CFAP92: variants seen among roughly 807,000 people sequenced by gnomAD.
CFAP92 encodes cilia and flagella associated protein 92 (putative).
CFAP92 carries 86 observed loss-of-function variants against 106.3 expected under a neutral mutation model. The ratio of observed to expected loss-of-function variants is 0.81; its 90% CI spans 0.68 to 0.97. The LOEUF (loss-of-function observed/expected upper bound fraction) is 0.97, where lower values mean the gene tolerates loss of function less well. Ranked by LOEUF, CFAP92 falls within the 50% of genes least tolerant of loss-of-function variation. The pLI, the probability that CFAP92 is intolerant of heterozygous loss-of-function variation, is 0.00. For missense variants in CFAP92, 1,204 were observed against 1,283.8 expected (o/e 0.94, Z 0.95); for synonymous variants, 477 against 506.4 (o/e 0.94, Z 0.78).
chr3:128,943,920 GTTT>G (rs768570835), intron 10 of CFAP92, among the ~76,000 whole-genome samples: 1,744 of 110,074 alleles, frequency 0.016, 13 homozygotes, highest in African/African-American at 0.028. Flanking sequence ...TATTTCCCCC[GTTT>G]TTTTTTTTTT....
upstream of CFAP92, among the ~76,000 whole-genome samples, chr3:128,994,431 G>A (rs1447186701): frequency 2.0e-5 from 3 of 151,980 alleles, no homozygotes; most frequent in African/African-American, 7.3e-5. Flanking sequence ...GAAGCTGTGG[G>A]CTCTGCAAAC....
intron 2 of CFAP92, among the ~76,000 whole-genome samples, chr3:128,992,556 A>C (rs2107825426): frequency 6.6e-6 from 1 of 152,078 alleles, no homozygotes; most frequent in South Asian, 2.1e-4. Context: ...GCAAGACTCC[A>C]TCTCAATAAA....
intron 9 of CFAP92, among the ~76,000 whole-genome samples, chr3:128,952,133 CT>C (rs964844722): frequency 2.8e-5 from 4 of 141,790 alleles, no homozygotes; most frequent in African/African-American, 1.0e-4. Context: ...TCTTCTTCTT[CT>C]TCTTTTTTTT....
At chr3:129,008,618 G>A in the CFAP92 span, among the ~76,000 whole-genome samples, 1 of 151,404 alleles carries the variant, frequency 6.6e-6, no homozygotes, top group East Asian at 1.9e-4. Context: ...CAATCCTTGG[G>A]ACACAGAAAT....
chr3:128,919,480 A>C (rs1382698724), intron 12 of CFAP92, among the ~76,000 whole-genome samples: 2 of 152,392 alleles, frequency 1.3e-5, no homozygotes, highest in East Asian at 3.9e-4. Flanking sequence ...ACTTGTAAAT[A>C]TATATGCACC....
At position 128,932,893 on chromosome 3, in the gene CFAP92, A is replaced by G; in HGVS notation, c.2558T>C (p.Met853Thr). The G allele has an allele frequency of 8.5e-6, 13 of 1,536,142 alleles. No homozygotes were observed. The highest frequency in any genetic ancestry group is 1.1e-5 in the Non-Finnish European group (13 of 1,146,910). The change falls in exon 12 of 16, where the codon ATG becomes ACG. Residue 853 changes from methionine (M) to threonine (T), a missense_variant. Physicochemically the swap from Met to Thr is moderately conservative, Grantham distance 81 (BLOSUM62 -1). Transcript: ENST00000645291. ...TGTGAGTTCTTCTTGCGAAAGGGGC[A>G]TCCCAAACTCTTGGCTCAAGTCTTT... ...MIKDLSQEFG[M>T]PLSQEELTDE...
the CFAP92 span, among the ~76,000 whole-genome samples, chr3:129,017,123 A>G: frequency 1.3e-5 from 2 of 152,236 alleles, no homozygotes; most frequent in Non-Finnish European, 2.9e-5. Context: ...TCCTCCTGGC[A>G]GACTTCCCCT....
At chr3:128,983,076 T>C (rs972589337) in intron 4 of CFAP92, among the ~76,000 whole-genome samples, 1 of 152,166 alleles carries the variant, frequency 6.6e-6, no homozygotes, top group Non-Finnish European at 1.5e-5. Context: ...AACCTCCAAT[T>C]TGGAAAACGC....
chr3:128,938,072 GAAAA>G (rs112911438), intron 10 of CFAP92, among the ~76,000 whole-genome samples: 1 of 149,434 alleles, frequency 6.7e-6, no homozygotes, highest in Non-Finnish European at 1.5e-5. Context: ...TCAAACAAAA[GAAAA>G]AAAAATTAGC....
At chr3:128,971,076 C>T (rs147283851) in intron 8 of CFAP92, 2 of 647,948 alleles carry the variant, frequency 3.1e-6, no homozygotes, top group East Asian at 5.7e-5. Context: ...CTTCACATTT[C>T]CTAGCTGTGT....
chr3:128,931,489 G>A (rs1445339563), intron 12 of CFAP92, among the ~76,000 whole-genome samples: 1 of 141,134 alleles, frequency 7.1e-6, no homozygotes, highest in Non-Finnish European at 1.5e-5. Flanking sequence ...ATATATGTAT[G>A]TATGTATATG....
intron 4 of CFAP92, among the ~76,000 whole-genome samples, chr3:128,981,620 C>T (rs907573701): frequency 5.6e-4 from 86 of 152,316 alleles, no homozygotes; most frequent in African/African-American, 1.8e-3. Context: ...CTTGAGCCAC[C>T]GCACCTGGAC....
At position 128,909,922 on chromosome 3, in the gene CFAP92, C is replaced by A; in HGVS notation, c.*377G>T. 1 of 1,532,492 alleles carries A rather than the reference C, an allele frequency of 6.5e-7. No homozygotes were observed. Among genetic ancestry groups the A allele is most frequent in the Non-Finnish European group, 8.9e-7 (1 of 1,121,924 alleles). 94.9% of individuals were successfully genotyped at this position (1,532,492 alleles called of 1,614,324 possible). ...TTATTGACTCCACTTTCTCAAGGAACACAGGAGACTAAGACAGGCAAAGAT... is the reference window on the plus strand; with the variant it reads ...TTATTGACTCCACTTTCTCAAGGAAAACAGGAGACTAAGACAGGCAAAGAT... On this transcript the variant is annotated 3_prime_UTR_variant, in exon 16 of 16. Coordinates refer to ENST00000645291, the MANE Select transcript of CFAP92 (RefSeq NM_001394090.1).
At chr3:128,928,574 T>C (rs1485729658) in intron 12 of CFAP92, among the ~76,000 whole-genome samples, 3 of 152,196 alleles carry the variant, frequency 2.0e-5, no homozygotes, top group Non-Finnish European at 4.4e-5. Flanking sequence ...AGCTAGTCTT[T>C]GCAAGAAATG....
chr3:129,011,011 C>T, the CFAP92 span, among the ~76,000 whole-genome samples: 1 of 152,116 alleles, frequency 6.6e-6, no homozygotes, highest in African/African-American at 2.4e-5. Flanking sequence ...TCAGTTTCCT[C>T]GGCTATAAAG....
chr3:128,948,616 A>C (rs1576478851), intron 9 of CFAP92, among the ~76,000 whole-genome samples: 2 of 143,456 alleles, frequency 1.4e-5, no homozygotes, highest in African/African-American at 2.6e-5. Context: ...TGCAACCACC[A>C]CCTCCCCAGT....
chr3:129,026,739 A>G, the CFAP92 span, among the ~76,000 whole-genome samples: 1 of 152,026 alleles, frequency 6.6e-6, no homozygotes, highest in African/African-American at 2.4e-5. Context: ...TGGAGTAGGG[A>G]GATACTGGCA....
Position 128,975,801 on chromosome 3 carries a change from T to C in CFAP92, c.999A>G (p.Ile333Met), listed in dbSNP as rs768024696. The change falls in exon 7 of 16, where the codon ATA becomes ATG. Residue 333 changes from isoleucine (I) to methionine (M), a missense_variant. Transcript: ENST00000645291. ...TACTTTGAGACCTTTGTCTGTCTAATATGTTTGTTAAGCTGCTAAGTGATT... is the reference window on the plus strand; with the variant it reads ...TACTTTGAGACCTTTGTCTGTCTAACATGTTTGTTAAGCTGCTAAGTGATT... ...ESESLSSLTN[I>M]LDRQRSQIKG... is the part of the protein sequence containing the mutation. 1.5e-5 allele frequency: 24 copies of C among 1,602,632 alleles called. No individual in the cohort carries two copies. In the Admixed American group the frequency reaches 3.6e-4, roughly 24 times the overall value.
chr3:129,016,602 G>A, the CFAP92 span, among the ~76,000 whole-genome samples: 91 of 152,022 alleles, frequency 6.0e-4, no homozygotes, highest in Non-Finnish European at 1.1e-3. Flanking sequence ...GCCAGCCCCC[G>A]TGATCACACA....
Sources: allele counts gnomAD v4.1 joint callset (sites outside exome capture counted in the v4.1 genomes callset), GRCh38; gene constraint gnomAD v4.1.1; transcripts MANE v1.5; gene names NCBI Gene and HGNC (gene_info 2026-07-23, HGNC 2026-07-21).